Variants in RAB22A observed in about 807,000 individuals in gnomAD.
RAB22A encodes ras-related protein Rab-22A.
Under a neutral mutation model 30.2 loss-of-function variants are expected in RAB22A, and 13 were observed. The ratio of observed to expected loss-of-function variants is 0.43; its 90% CI spans 0.28 to 0.68. The LOEUF (loss-of-function observed/expected upper bound fraction) is 0.68. Among genes scored for constraint, RAB22A ranks in the 30% least tolerant of loss-of-function variants. RAB22A has a pLI of 0.18. For synonymous variants in RAB22A, 89 were observed against 87.2 expected (o/e 1.02, Z -0.11); for missense variants, 177 against 246.8 (o/e 0.72, Z 1.89).
chr20:58,318,059 G>A (rs1009747828), intron 2 of RAB22A, among the ~76,000 whole-genome samples: 6 of 150,250 alleles, frequency 4.0e-5, no homozygotes, highest in African/African-American at 1.5e-4. Flanking sequence ...GTAGAGATGA[G>A]GTCTCACTGC....
rs557735508 is a variant in RAB22A at position 58,355,018 on chromosome 20, G to A, written c.487+753G>A. On this transcript the variant is annotated intron_variant, in intron 6 of 6. Transcript: ENST00000244040. Reference sequence around the variant, plus strand: ...AAGCAATTGGGGAAGGTCTCCCTAAGGAGGTGCTATCAGAGCTGAGGTCCA... The same window carrying A: ...AAGCAATTGGGGAAGGTCTCCCTAAAGAGGTGCTATCAGAGCTGAGGTCCA... Among the ~76,000 whole-genome samples the A allele has an allele frequency of 3.9e-5, 6 of 152,360 alleles. No individual in the cohort carries two copies. The East Asian group carries it at 1.2e-3, about 29-fold the overall frequency.
At chr20:58,330,646 T>C (rs1297417983) in intron 2 of RAB22A, among the ~76,000 whole-genome samples, 1 of 152,244 alleles carries the variant, frequency 6.6e-6, no homozygotes, top group African/African-American at 2.4e-5. Context: ...CTTAACACTT[T>C]GTTCAGACGG....
At chr20:58,312,295 T>TTC (rs1029343321) in intron 2 of RAB22A, among the ~76,000 whole-genome samples, 2 of 150,370 alleles carry the variant, frequency 1.3e-5, no homozygotes, top group Non-Finnish European at 3.0e-5. Flanking sequence ...TTTTTTTTTT[T>TTC]TCACCCAGGC....
chr20:58,323,169 G>A (rs2122933253), intron 2 of RAB22A, among the ~76,000 whole-genome samples: 1 of 151,970 alleles, frequency 6.6e-6, no homozygotes, highest in African/African-American at 2.4e-5. Flanking sequence ...CTACTTCTCT[G>A]TGTTATGGAC....
In RAB22A at chr20:58,366,798, A is replaced by T. The variant is rs1434953556; in HGVS notation, c.*7095A>T. On this transcript the variant is annotated 3_prime_UTR_variant, in exon 7 of 7. Transcript: ENST00000244040. The stretch of plus-strand genomic sequence containing the variant: ...GTTTTGTTTTACCATTGGTAATAAG[A>T]TAGTTAACATAAGTGGTCAGAACTT... 1 of 152,298 alleles carries T rather than the reference A, an allele frequency of 6.6e-6. No homozygotes were observed. The highest frequency in any genetic ancestry group is 1.5e-5 in the Non-Finnish European group (1 of 68,036). The allele number at this position is 152,298 out of a possible 1,614,324, so 9.4% of individuals were successfully genotyped here. A position where few individuals can be genotyped will look rare whatever the true frequency, so the allele number is the denominator to read the frequency against.
chr20:58,342,034 A>G (rs1367144779), intron 2 of RAB22A, among the ~76,000 whole-genome samples: 3 of 152,214 alleles, frequency 2.0e-5, no homozygotes, highest in Non-Finnish European at 4.4e-5. Context: ...AATAATAATA[A>G]TAATACCTTG....
chr20:58,315,067 C>G (rs1480077167), intron 2 of RAB22A, among the ~76,000 whole-genome samples: 1 of 152,002 alleles, frequency 6.6e-6, no homozygotes, highest in Non-Finnish European at 1.5e-5. Context: ...CCAGCAGGGA[C>G]CAGTCCACAG....
Position 58,332,076 on chromosome 20 carries a change from A to G in RAB22A, c.117-11642A>G, listed in dbSNP as rs535140351. On this transcript the variant is annotated intron_variant, in intron 2 of 6. Coordinates refer to ENST00000244040, the MANE Select transcript of RAB22A (RefSeq NM_020673.3). ...GGGCATATTATATCCTTTAAATGTA[A>G]TAACTCAGTCCTTTAAACAATCCAC... Among the ~76,000 whole-genome samples, 246 of 152,338 alleles carry G rather than the reference A, an allele frequency of 1.6e-3. 1 individual carries two copies. The highest frequency in any genetic ancestry group is 5.8e-3 in the African/African-American group (240 of 41,580).
At position 58,314,112 on chromosome 20, in the gene RAB22A, G is replaced by T. The variant is rs930579119; in HGVS notation, c.116+2990G>T. On this transcript the variant is annotated intron_variant, in intron 2 of 6. Transcript: ENST00000244040. ...TACCCAGGCTGGATTGTAATGACAC[G>T]ATCTCGGCTCACTGCAACCTCTGCC... Among the ~76,000 whole-genome samples, 4 of 150,030 alleles carry T rather than the reference G, an allele frequency of 2.7e-5. 1 individual carries two copies. Among genetic ancestry groups the T allele is most frequent in the Admixed American group, 1.3e-4 (2 of 15,050 alleles).
At chr20:58,334,175 A>C (rs896265748) in intron 2 of RAB22A, among the ~76,000 whole-genome samples, 1 of 152,042 alleles carries the variant, frequency 6.6e-6, no homozygotes, top group African/African-American at 2.4e-5. Flanking sequence ...TACTAAAAAC[A>C]CAAAAAAACA....
At position 58,364,735 on chromosome 20, in the gene RAB22A, T is replaced by G. The variant is rs2122980208; in HGVS notation, c.*5032T>G. 6.6e-6 allele frequency: 1 copy of G among 151,496 alleles called. No individual in the cohort carries two copies. The highest frequency in any genetic ancestry group is 1.5e-5 in the Non-Finnish European group (1 of 67,878). The allele number at this position is 151,496 out of a possible 1,614,324, so 9.4% of individuals were successfully genotyped here. A position where few individuals can be genotyped will look rare whatever the true frequency, so the allele number is the denominator to read the frequency against. On this transcript the variant is annotated 3_prime_UTR_variant, in exon 7 of 7. Transcript: ENST00000244040. ...TAAGATAGTAATGATTTTTTTTCTTTTTTTTTTTTTTTCTTTTTTTAGATG... is the reference window on the plus strand; with the variant it reads ...TAAGATAGTAATGATTTTTTTTCTTGTTTTTTTTTTTTCTTTTTTTAGATG...
Position 58,331,026 on chromosome 20 carries a change from A to G in RAB22A, c.117-12692A>G, listed in dbSNP as rs115164328. On this transcript the variant is annotated intron_variant, in intron 2 of 6. Coordinates refer to ENST00000244040, the MANE Select transcript of RAB22A (RefSeq NM_020673.3). ...CTGAACCTCATCCTCTGTCACTTCT[A>G]GCCAACGCTGGTGGTTTGTCCTCAC... Among the ~76,000 whole-genome samples the G allele has an allele frequency of 6.9e-3, 1,056 of 152,284 alleles. 11 individuals carry two copies. The highest frequency in any genetic ancestry group is 0.022 in the African/African-American group (904 of 41,548).
At chr20:58,358,197 T>C (rs998990978) in intron 6 of RAB22A, among the ~76,000 whole-genome samples, 3 of 152,118 alleles carry the variant, frequency 2.0e-5, no homozygotes, top group African/African-American at 7.2e-5. Flanking sequence ...GATGGGTGAT[T>C]TAAGGATTCT....
chr20:58,341,415 G>T lies in RAB22A; in HGVS notation c.117-2303G>T, dbSNP rs190052338. ...GGTAGAGGAAGCAGGTGGAGAGGCT[G>T]TTGGGGCTTTTCTGGGTGGTTGAGA... On this transcript the variant is annotated intron_variant, in intron 2 of 6. Coordinates refer to ENST00000244040, the MANE Select transcript of RAB22A (RefSeq NM_020673.3). Among the ~76,000 whole-genome samples, 340 of 152,242 alleles carry T rather than the reference G, an allele frequency of 2.2e-3. 1 individual carries two copies. Among genetic ancestry groups the T allele is most frequent in the African/African-American group, 8.0e-3 (333 of 41,552 alleles).
At chr20:58,331,710 T>C (rs1026363217) in intron 2 of RAB22A, among the ~76,000 whole-genome samples, 1 of 152,174 alleles carries the variant, frequency 6.6e-6, no homozygotes, top group African/African-American at 2.4e-5. Context: ...TTCTCCTTTC[T>C]ACCTCTTGGG....
chr20:58,326,983 G>A (rs1986580259), intron 2 of RAB22A, among the ~76,000 whole-genome samples: 1 of 152,128 alleles, frequency 6.6e-6, no homozygotes, highest in Non-Finnish European at 1.5e-5. Flanking sequence ...GTTTTCTTGT[G>A]TTTCTGGTTT....
intron 3 of RAB22A, among the ~76,000 whole-genome samples, chr20:58,347,544 G>T (rs375256203): frequency 1.3e-5 from 2 of 152,198 alleles, no homozygotes; most frequent in Non-Finnish European, 2.9e-5. Flanking sequence ...GAAGGATATC[G>T]TATTGTGCTA....
At chr20:58,348,863 A>G (rs534232282) in intron 3 of RAB22A, among the ~76,000 whole-genome samples, 3 of 152,326 alleles carry the variant, frequency 2.0e-5, no homozygotes, top group East Asian at 3.9e-4. Flanking sequence ...GCCACATTCA[A>G]AGCTGTCCTG....
chr20:58,309,863 G>A lies in RAB22A; in HGVS notation c.-114G>A. 9.3e-7 allele frequency: 1 copy of A among 1,077,214 alleles called. No individual in the cohort carries two copies. Among genetic ancestry groups the A allele is most frequent in the Non-Finnish European group, 1.2e-6 (1 of 837,072 alleles). 66.7% of individuals were successfully genotyped at this position (1,077,214 alleles called of 1,614,324 possible). A position where few individuals can be genotyped will look rare whatever the true frequency, so the allele number is the denominator to read the frequency against. ...GGACGGGCGGCAGCCGCCTCTGCGCGGACCGGGGCTGGGCCGTGCGGCGGC... is the reference window on the plus strand; with the variant it reads ...GGACGGGCGGCAGCCGCCTCTGCGCAGACCGGGGCTGGGCCGTGCGGCGGC... On this transcript the variant is annotated 5_prime_UTR_variant, in exon 1 of 7. Coordinates refer to ENST00000244040, the MANE Select transcript of RAB22A (RefSeq NM_020673.3).
Sources: allele counts gnomAD v4.1 joint callset (sites outside exome capture counted in the v4.1 genomes callset), GRCh38; gene constraint gnomAD v4.1.1; transcripts MANE v1.5; gene names NCBI Gene and HGNC (gene_info 2026-07-23, HGNC 2026-07-21).